The following CHST11 variants were observed in gnomAD, a reference collection of about 807,000 sequenced individuals.
The protein encoded by CHST11 is carbohydrate sulfotransferase 11, also known as C4S-1.
CHST11 carries 9 observed loss-of-function variants against 30.4 expected under a neutral mutation model. The observed-to-expected ratio is 0.30, with a 90% CI of 0.18 to 0.52. The LOEUF (loss-of-function observed/expected upper bound fraction) is 0.52, where lower values mean the gene tolerates loss of function less well. CHST11 is among the 20% of genes least tolerant of loss of function. CHST11 has a pLI of 0.97. For synonymous variants in CHST11, 152 were observed against 187.8 expected, an observed-to-expected ratio of 0.81 and a Z score of 1.56; for missense variants, 348 against 460.6, an observed-to-expected ratio of 0.76 and a Z score of 2.24.
intron 1 of CHST11, among the ~76,000 whole-genome samples, chr12:104,467,241 G>A (rs1040676743): frequency 1.3e-5 from 2 of 152,190 alleles, no homozygotes; most frequent in Non-Finnish European, 2.9e-5. Flanking sequence ...GATATGACAG[G>A]TTAGATGGAG....
chr12:104,750,897 A>G (rs1049176951), intron 2 of CHST11, among the ~76,000 whole-genome samples: 8 of 152,212 alleles, frequency 5.3e-5, no homozygotes, highest in Non-Finnish European at 1.2e-4. Context: ...TTTTAAAAAC[A>G]TTAATAGTAG....
chr12:104,706,256 T>A (rs1383717039), intron 2 of CHST11, among the ~76,000 whole-genome samples: 1 of 151,614 alleles, frequency 6.6e-6, no homozygotes, highest in African/African-American at 2.4e-5. Context: ...TGGTAGCGCA[T>A]GCCTGTAATC....
At chr12:104,525,128 A>G (rs558478714) in intron 1 of CHST11, among the ~76,000 whole-genome samples, 1 of 146,318 alleles carries the variant, frequency 6.8e-6, no homozygotes, top group East Asian at 2.1e-4. Flanking sequence ...TTTTTAAGAG[A>G]CAGTCTCAGT....
chr12:104,725,154 T>C (rs1190354617), intron 2 of CHST11, among the ~76,000 whole-genome samples: 9 of 152,200 alleles, frequency 5.9e-5, no homozygotes, highest in Admixed American at 5.9e-4. Context: ...TATCTGCACA[T>C]GTGGATAATA....
intron 1 of CHST11, among the ~76,000 whole-genome samples, chr12:104,588,452 A>G (rs1704893): frequency 0.87 from 131,832 of 152,276 alleles, 57,295 homozygotes; most frequent in East Asian, 1. Flanking sequence ...TTTCTTCAGA[A>G]CTGAGCTCTG....
intron 1 of CHST11, among the ~76,000 whole-genome samples, chr12:104,535,420 A>G (rs1156307294): frequency 6.6e-6 from 1 of 152,104 alleles, no homozygotes; most frequent in African/African-American, 2.4e-5. Context: ...TTTTAGAATA[A>G]TCTGGTCTTA....
intron 1 of CHST11, among the ~76,000 whole-genome samples, chr12:104,503,124 G>C (rs756470479): frequency 2.6e-5 from 4 of 152,196 alleles, no homozygotes; most frequent in Non-Finnish European, 2.9e-5. Flanking sequence ...GGAGCTGTTG[G>C]TAGATGGGAG....
chr12:104,519,071 GGTGTGT>G (rs10628757), intron 1 of CHST11, among the ~76,000 whole-genome samples: 15 of 139,570 alleles, frequency 1.1e-4, no homozygotes, highest in African/African-American at 1.9e-4. Flanking sequence ...GGACTCTTGA[GGTGTGT>G]GTGTGTGTGT....
At chr12:104,590,398 G>C (rs2136039202) in intron 1 of CHST11, among the ~76,000 whole-genome samples, 1 of 152,332 alleles carries the variant, frequency 6.6e-6, no homozygotes, top group East Asian at 1.9e-4. Flanking sequence ...GGACTGGGGT[G>C]ACTGTATTTC....
chr12:104,667,170 G>C (rs1302123969), intron 2 of CHST11, among the ~76,000 whole-genome samples: 1 of 152,146 alleles, frequency 6.6e-6, no homozygotes, highest in Non-Finnish European at 1.5e-5. Flanking sequence ...AGCAGAGTCT[G>C]GTTTTTAACA....
chr12:104,627,364 G>A (rs751388071), intron 2 of CHST11, among the ~76,000 whole-genome samples: 2 of 152,190 alleles, frequency 1.3e-5, no homozygotes, highest in African/African-American at 2.4e-5. Context: ...ACCAAGGAGA[G>A]TGATTGCTGG....
intron 1 of CHST11, among the ~76,000 whole-genome samples, chr12:104,464,076 T>A (rs552528856): frequency 1.6e-3 from 247 of 151,256 alleles, no homozygotes; most frequent in Middle Eastern, 3.4e-3. Context: ...ACTTTTTTTT[T>A]TTTTTTTTTG....
At chr12:104,508,548 A>G (rs2037930972) in intron 1 of CHST11, among the ~76,000 whole-genome samples, 1 of 152,254 alleles carries the variant, frequency 6.6e-6, no homozygotes, top group Admixed American at 6.5e-5. Context: ...ACAAAGCAAA[A>G]TAAACCTTTT....
chr12:104,464,785 T>C (rs1000200161), intron 1 of CHST11, among the ~76,000 whole-genome samples: 5 of 152,164 alleles, frequency 3.3e-5, no homozygotes, highest in South Asian at 2.1e-4. Context: ...TCGGTGGCAT[T>C]TGTTAATAAA....
chr12:104,483,950 G>A (rs2037653313), intron 1 of CHST11, among the ~76,000 whole-genome samples: 1 of 152,166 alleles, frequency 6.6e-6, no homozygotes, highest in Non-Finnish European at 1.5e-5. Context: ...CTGGGGTCAG[G>A]GAGGATCTGA....
chr12:104,549,635 C>T (rs957135035), intron 1 of CHST11, among the ~76,000 whole-genome samples: 1 of 152,160 alleles, frequency 6.6e-6, no homozygotes, highest in African/African-American at 2.4e-5. Flanking sequence ...ACGTGATGCA[C>T]AGGCCTAAAC....
At chr12:104,748,118 A>G (rs905793450) in intron 2 of CHST11, among the ~76,000 whole-genome samples, 4 of 152,306 alleles carry the variant, frequency 2.6e-5, no homozygotes, top group South Asian at 2.1e-4. Flanking sequence ...CCTAATTTAT[A>G]CTTTTGAGAG....
chr12:104,551,445 A>G (rs1478602290), intron 1 of CHST11, among the ~76,000 whole-genome samples: 1 of 152,028 alleles, frequency 6.6e-6, no homozygotes, highest in East Asian at 1.9e-4. Flanking sequence ...ATAGATGGTT[A>G]GAAAGGTCAG....
chr12:104,609,720 G>C (rs1859843693), intron 2 of CHST11, among the ~76,000 whole-genome samples: 1 of 152,200 alleles, frequency 6.6e-6, no homozygotes, highest in South Asian at 2.1e-4. Flanking sequence ...TCAGAATTCT[G>C]TATGAAAAGC....
Sources: gnomAD v4.1 joint callset for allele counts (sites outside exome capture counted in the v4.1 genomes callset) on GRCh38, gnomAD v4.1.1 for gene constraint, MANE v1.5 for transcripts, NCBI Gene and HGNC (gene_info 2026-07-23, HGNC 2026-07-21) for gene names.